SLC39A11: variants seen among roughly 807,000 people sequenced by gnomAD.
SLC39A11 encodes zinc transporter ZIP11.
In SLC39A11, 33 loss-of-function variants were observed where a neutral mutation model predicts 36.1. The observed-to-expected ratio is 0.91, with a 90% confidence interval of 0.69 to 1.22. The LOEUF (loss-of-function observed/expected upper bound fraction) is 1.22. Ranked by LOEUF, SLC39A11 falls within the 50% of genes most tolerant of loss-of-function variation. The pLI is 0.00. For missense variants in SLC39A11, 432 were observed against 430.3 expected (o/e 1.00, Z -0.03); for synonymous variants, 166 against 170.3 (o/e 0.97, Z 0.20).
chr17:72,666,985 C>T (rs956268094), intron 7 of SLC39A11, among the ~76,000 whole-genome samples: 3 of 152,158 alleles, frequency 2.0e-5, no homozygotes, highest in African/African-American at 7.2e-5. Flanking sequence ...CCCATTTGCA[C>T]CTTCAGAGCT....
intron 4 of SLC39A11, among the ~76,000 whole-genome samples, chr17:72,996,722 C>G (rs1056634336): frequency 6.6e-6 from 1 of 152,144 alleles, no homozygotes; most frequent in Admixed American, 6.6e-5. Context: ...CTGCAAAGAC[C>G]CTTTTTCCAA....
Position 72,902,579 on chromosome 17 carries a change from T to A in SLC39A11, c.430+45173A>T, listed in dbSNP as rs1272511948. On this transcript the variant is annotated intron_variant, in intron 5 of 9. Transcript: ENST00000255559. Reference sequence around the variant, plus strand: ...AGCAAACTACTCCATAGGAAATGAATGCAGTTGCTAAGCGAAGAATAAATG... The same window carrying A: ...AGCAAACTACTCCATAGGAAATGAAAGCAGTTGCTAAGCGAAGAATAAATG... Among the ~76,000 whole-genome samples the A allele has an allele frequency of 2.6e-5, 4 of 152,240 alleles. No homozygotes were observed. The East Asian group carries it at 7.7e-4, about 29-fold the overall frequency.
intron 5 of SLC39A11, among the ~76,000 whole-genome samples, chr17:72,936,410 G>GAAAAAAAAA (rs2084755505): frequency 3.9e-4 from 1 of 2,542 alleles, no homozygotes; most frequent in African/African-American, 1.2e-3. Context: ...CTGAAAAAAA[G>GAAAAAAAAA]TAAAAAAAAA....
intron 6 of SLC39A11, among the ~76,000 whole-genome samples, chr17:72,820,877 C>T (rs2077750257): frequency 6.6e-6 from 1 of 151,124 alleles, no homozygotes; most frequent in South Asian, 2.1e-4. Flanking sequence ...GCACAGGGTC[C>T]CCCCAGCACT....
chr17:72,746,905 G>A (rs2074960090), intron 6 of SLC39A11, among the ~76,000 whole-genome samples: 1 of 151,812 alleles, frequency 6.6e-6, no homozygotes, highest in South Asian at 2.1e-4. Context: ...AAATTGGCTG[G>A]GTATGGTGGC....
At chr17:72,655,690 G>A (rs371878258) in intron 7 of SLC39A11, among the ~76,000 whole-genome samples, 6 of 152,306 alleles carry the variant, frequency 3.9e-5, no homozygotes, top group Middle Eastern at 3.4e-3. Flanking sequence ...GCCTGCAACC[G>A]GGGTGCTTAC....
chr17:72,649,673 G>A (rs549105142), intron 7 of SLC39A11, among the ~76,000 whole-genome samples: 62 of 134,776 alleles, frequency 4.6e-4, no homozygotes, highest in African/African-American at 1.6e-3. Flanking sequence ...ATGGAGTCTC[G>A]CTCTGGAGAC....
intron 5 of SLC39A11, among the ~76,000 whole-genome samples, chr17:72,869,132 G>A (rs1244753829): frequency 6.6e-6 from 1 of 152,210 alleles, no homozygotes; most frequent in South Asian, 2.1e-4. Context: ...TCAGGCATGA[G>A]CCTTTGAAAT....
At chr17:72,780,168 AT>A (rs1282569243) in intron 6 of SLC39A11, among the ~76,000 whole-genome samples, 1 of 152,168 alleles carries the variant, frequency 6.6e-6, no homozygotes, top group African/African-American at 2.4e-5. Flanking sequence ...GGAAGAGCTG[AT>A]TAAGAGTTCC....
intron 5 of SLC39A11, among the ~76,000 whole-genome samples, chr17:72,945,449 T>C (rs1332820404): frequency 6.6e-6 from 1 of 152,194 alleles, no homozygotes; most frequent in Non-Finnish European, 1.5e-5. Flanking sequence ...ATGGTACAAA[T>C]AATGCATATT....
intron 4 of SLC39A11, among the ~76,000 whole-genome samples, chr17:72,983,395 T>C (rs1433259296): frequency 1.3e-5 from 2 of 152,210 alleles, no homozygotes; most frequent in South Asian, 2.1e-4. Context: ...GTGAACCACC[T>C]GCCTCGGCCT....
chr17:72,879,435 C>T (rs934688044), intron 5 of SLC39A11, among the ~76,000 whole-genome samples: 6 of 152,190 alleles, frequency 3.9e-5, no homozygotes, highest in African/African-American at 1.4e-4. Flanking sequence ...GAACTGTATG[C>T]TAGAATGCCG....
intron 5 of SLC39A11, among the ~76,000 whole-genome samples, chr17:72,912,456 TGGG>T (rs1319034807): frequency 6.7e-6 from 1 of 149,864 alleles, no homozygotes; most frequent in Non-Finnish European, 1.5e-5. Flanking sequence ...TTTTAAGTGA[TGGG>T]GGTCTTGAGC....
At chr17:72,976,766 C>G (rs976130857) in intron 4 of SLC39A11, among the ~76,000 whole-genome samples, 17 of 152,110 alleles carry the variant, frequency 1.1e-4, no homozygotes, top group African/African-American at 4.1e-4. Flanking sequence ...AGGAGAATCA[C>G]TTGAACCCGG....
At chr17:72,804,864 A>G (rs183676158) in intron 6 of SLC39A11, among the ~76,000 whole-genome samples, 183 of 152,276 alleles carry the variant, frequency 1.2e-3, no homozygotes, top group African/African-American at 4.2e-3. Flanking sequence ...TACTAAAAAT[A>G]CAAAAATCAG....
chr17:72,780,864 G>C (rs1286624544), intron 6 of SLC39A11, among the ~76,000 whole-genome samples: 5 of 152,162 alleles, frequency 3.3e-5, no homozygotes, highest in African/African-American at 1.2e-4. Flanking sequence ...GCAAACGTCT[G>C]TAATCCCAGC....
chr17:72,963,247 T>A (rs1406366088), intron 4 of SLC39A11, among the ~76,000 whole-genome samples: 1 of 132,370 alleles, frequency 7.6e-6, no homozygotes, highest in East Asian at 2.4e-4. Flanking sequence ...CCCAGCTCCC[T>A]GCAAGCTCCG....
At chr17:72,671,766 G>A (rs1309668281) in intron 7 of SLC39A11, among the ~76,000 whole-genome samples, 5 of 152,042 alleles carry the variant, frequency 3.3e-5, no homozygotes. Context: ...TACTTCATAA[G>A]TAAATCATAA....
intron 4 of SLC39A11, among the ~76,000 whole-genome samples, chr17:73,014,949 A>G (rs969877369): frequency 1.3e-5 from 2 of 152,108 alleles, no homozygotes; most frequent in African/African-American, 4.8e-5. Flanking sequence ...TCATACTCCC[A>G]ACTTCCTAGA....
Sources: allele counts gnomAD v4.1 joint callset (sites outside exome capture counted in the v4.1 genomes callset), GRCh38; gene constraint gnomAD v4.1.1; transcripts MANE v1.5; gene names NCBI Gene and HGNC (gene_info 2026-07-23, HGNC 2026-07-21).